Variants in RBL1 observed in about 807,000 individuals in gnomAD.
RBL1 encodes the protein retinoblastoma-like protein 1.
Under a neutral mutation model 123.0 loss-of-function variants are expected in RBL1, and 82 were observed. The observed-to-expected ratio is 0.67, with a 90% CI of 0.56 to 0.80. RBL1 has a LOEUF of 0.80. Among genes scored for constraint, RBL1 ranks in the 30% least tolerant of loss-of-function variants. The pLI, the probability that RBL1 is intolerant of heterozygous loss-of-function variation, is 0.00. For synonymous variants in RBL1, 405 were observed against 441.3 expected (o/e 0.92, Z 1.03); for missense variants, 1,171 against 1,299.6 (o/e 0.90, Z 1.52).
chr20:37,038,287 T>A (rs1214886615), intron 14 of RBL1, among the ~76,000 whole-genome samples: 1 of 150,446 alleles, frequency 6.6e-6, no homozygotes, highest in African/African-American at 2.4e-5. Context: ...CCACTGTGCC[T>A]GACCTTATGC....
chr20:37,031,435 C>T (rs1196020841), intron 16 of RBL1, among the ~76,000 whole-genome samples: 2 of 151,960 alleles, frequency 1.3e-5, no homozygotes, highest in African/African-American at 2.4e-5. Context: ...GGCAAAAGCA[C>T]ATGAAAAGAT....
intron 16 of RBL1, among the ~76,000 whole-genome samples, chr20:37,023,313 G>T (rs2064372588): frequency 6.6e-6 from 1 of 152,028 alleles, no homozygotes; most frequent in African/African-American, 2.4e-5. Flanking sequence ...AGTAGAGACA[G>T]GGCTTCATCA....
chr20:37,005,877 CTTTTTTTTTTTTCTTTCTTTT>C (rs2064061931), intron 20 of RBL1, among the ~76,000 whole-genome samples: 1 of 106,340 alleles, frequency 9.4e-6, no homozygotes, highest in Non-Finnish European at 1.9e-5. Context: ...GCCTTCTTTT[CTTTTTTTTTTTTCTTTCTTTT>C]TTTTTTTTTT....
chr20:37,095,074 G>GA (rs1162504319), intron 1 of RBL1, among the ~76,000 whole-genome samples: 2 of 152,134 alleles, frequency 1.3e-5, no homozygotes, highest in Admixed American at 1.3e-4. Context: ...GAATGATGGG[G>GA]AAAAAAATCA....
chr20:37,024,737 T>A (rs972642564), intron 16 of RBL1, among the ~76,000 whole-genome samples: 5 of 152,238 alleles, frequency 3.3e-5, no homozygotes, highest in Admixed American at 6.5e-5. Flanking sequence ...CCAAAAAGTC[T>A]TATTTCTGTC....
rs568925893 is a variant in RBL1 at position 37,072,226 on chromosome 20, T to C, written c.291-4040A>G. On this transcript the variant is annotated intron_variant, in intron 2 of 21. Transcript: ENST00000373664. ...GCTCACGCCTGTAATCCCAGCACTTTGGGAGTCCGAGGCAGGTGGACAACC... is the reference window on the plus strand; with the variant it reads ...GCTCACGCCTGTAATCCCAGCACTTCGGGAGTCCGAGGCAGGTGGACAACC... Among the ~76,000 whole-genome samples the C allele has an allele frequency of 2.8e-3, 419 of 152,344 alleles. 2 individuals are homozygous for C. The highest frequency in any genetic ancestry group is 9.5e-3 in the African/African-American group (393 of 41,582).
intron 19 of RBL1, among the ~76,000 whole-genome samples, chr20:37,014,694 G>T (rs1430214201): frequency 6.6e-6 from 1 of 151,946 alleles, no homozygotes; most frequent in Non-Finnish European, 1.5e-5. Flanking sequence ...GGCCTGGGAG[G>T]TCAAGGCTGC....
At chr20:37,022,625 C>T in intron 17 of RBL1, 25 bp downstream of exon 17, 1 of 1,579,862 alleles carries the variant, frequency 6.3e-7, no homozygotes, top group African/African-American at 1.3e-5. Context: ...CCATGCCCAG[C>T]CTCTTCTCCC....
chr20:37,035,172 C>A lies in RBL1; in HGVS notation c.2170+70G>T, dbSNP rs1038011430. 29 of 1,383,348 alleles carry A rather than the reference C, an allele frequency of 2.1e-5. 1 individual carries two copies. In the South Asian group the frequency reaches 3.4e-4, roughly 16 times the overall value. The allele number at this position is 1,383,348 out of a possible 1,614,324, so 85.7% of individuals were successfully genotyped here. A position where few individuals can be genotyped will look rare whatever the true frequency, so the allele number is the denominator to read the frequency against. ...TAATGAGTTAGAAAAACCATGTGATCTAATCCACTAAGACATTTCTTAAAT... is the reference window on the plus strand; with the variant it reads ...TAATGAGTTAGAAAAACCATGTGATATAATCCACTAAGACATTTCTTAAAT... On this transcript the variant is annotated intron_variant, in intron 15 of 21. Coordinates refer to ENST00000373664, the MANE Select transcript of RBL1 (RefSeq NM_002895.5).
Position 37,071,181 on chromosome 20 carries a change from C to T in RBL1, c.291-2995G>A, listed in dbSNP as rs552445960. Reference sequence around the variant, plus strand: ...AAGTGCTGGGATTACAGGCATGAACCACTGCACTCGGCCCTATGTTCTGAT... The same window carrying T: ...AAGTGCTGGGATTACAGGCATGAACTACTGCACTCGGCCCTATGTTCTGAT... On this transcript the variant is annotated intron_variant, in intron 2 of 21. Transcript: ENST00000373664. Among the ~76,000 whole-genome samples the T allele has an allele frequency of 2.6e-5, 4 of 152,270 alleles. No individual in the cohort carries two copies. The South Asian group carries it at 6.2e-4, about 24-fold the overall frequency.
Position 37,064,143 on chromosome 20 carries a change from T to C in RBL1, c.896+1281A>G, listed in dbSNP as rs573871700. On this transcript the variant is annotated intron_variant, in intron 7 of 21. Transcript: ENST00000373664. ...CGGCCTTAATTTCTTTTCTTTCTTT[T>C]TTTTTTTTTTTTTGAGATGAGTCTT... Among the ~76,000 whole-genome samples, 324 of 148,936 alleles carry C rather than the reference T, an allele frequency of 2.2e-3. 3 individuals carry two copies. Among genetic ancestry groups the C allele is most frequent in the African/African-American group, 7.2e-3 (293 of 40,706 alleles).
intron 21 of RBL1, among the ~76,000 whole-genome samples, chr20:37,002,336 G>GTTTTTTTTTTTTTTTTTTTTTT (rs965408801): frequency 1.2e-4 from 9 of 76,350 alleles, no homozygotes; most frequent in East Asian, 6.9e-4. Context: ...AGCCTTATCT[G>GTTTTTTTTTTTTTTTTTTTTTT]TTTTTTTTTT....
Position 37,010,463 on chromosome 20 carries a change from TTGAAA to T in RBL1, c.2723-2909_2723-2905del, listed in dbSNP as rs564881658. Among the ~76,000 whole-genome samples the T allele has an allele frequency of 5.9e-3, 892 of 152,200 alleles. 3 individuals carry two copies. The highest frequency in any genetic ancestry group is 8.7e-3 in the Non-Finnish European group (595 of 68,032). ...GGGTTATCTTCTCAGAAATGCATTG[TTGAAA>T]TGATTTTGTCATGAGAATACTATAG... On this transcript the variant is annotated intron_variant, in intron 19 of 21. Coordinates refer to ENST00000373664, the MANE Select transcript of RBL1 (RefSeq NM_002895.5).
intron 9 of RBL1, among the ~76,000 whole-genome samples, chr20:37,056,997 C>CTATA (rs1207487023): frequency 6.8e-6 from 1 of 146,986 alleles, no homozygotes; most frequent in Admixed American, 6.9e-5. Context: ...TTCTTTCTAT[C>CTATA]TATCTATCTA....
intron 17 of RBL1, among the ~76,000 whole-genome samples, chr20:37,022,315 C>T (rs182989102): frequency 2.5e-4 from 38 of 152,202 alleles, no homozygotes; most frequent in African/African-American, 8.4e-4. Context: ...AAGCAATATG[C>T]GATATGGTAC....
At chr20:37,023,419 G>C (rs886138276) in intron 16 of RBL1, among the ~76,000 whole-genome samples, 1 of 151,998 alleles carries the variant, frequency 6.6e-6, no homozygotes, top group Admixed American at 6.6e-5. Flanking sequence ...CACTGTGCCC[G>C]GCTCGAATGC....
intron 20 of RBL1, among the ~76,000 whole-genome samples, chr20:37,004,680 A>G (rs189185075): frequency 1.4e-5 from 2 of 138,788 alleles, no homozygotes; most frequent in South Asian, 2.2e-4. Context: ...GTGCCACTGC[A>G]CTCCATCCTG....
chr20:37,018,619 G>A (rs1165108752), intron 18 of RBL1, among the ~76,000 whole-genome samples: 1 of 152,118 alleles, frequency 6.6e-6, no homozygotes, highest in African/African-American at 2.4e-5. Flanking sequence ...AGCAACTAAA[G>A]ACTGATGATC....
intron 6 of RBL1, 49 bp from the exon 7 acceptor site, chr20:37,065,522 T>TAC: frequency 1.6e-6 from 2 of 1,236,162 alleles, no homozygotes; most frequent in Non-Finnish European, 1.2e-6. Flanking sequence ...AGCATATTAA[T>TAC]ACACACACAA....
Sources: allele counts gnomAD v4.1 joint callset (sites outside exome capture counted in the v4.1 genomes callset), GRCh38; gene constraint gnomAD v4.1.1; transcripts MANE v1.5; gene names NCBI Gene and HGNC (gene_info 2026-07-23, HGNC 2026-07-21).